SEMA4G: variants seen among roughly 807,000 people sequenced by gnomAD.
SEMA4G encodes the protein semaphorin 4G.
Under a neutral mutation model 81.2 loss-of-function variants are expected in SEMA4G, and 59 were observed. That is an observed-to-expected ratio of 0.73 (90% CI 0.59 to 0.90). The LOEUF (loss-of-function observed/expected upper bound fraction) is 0.90, where lower values mean the gene tolerates loss of function less well. SEMA4G is among the 40% of genes least tolerant of loss of function. The probability of loss-of-function intolerance (pLI) is 0.00; values close to 1 mark genes in which losing one functional copy is unlikely to be tolerated. For synonymous variants in SEMA4G, 404 were observed against 433.9 expected (o/e 0.93, Z 0.86); for missense variants, 952 against 1,102.3 (o/e 0.86, Z 1.93).
exon 6 of SEMA4G, chr10:100,978,620 C>A: frequency 6.2e-7 from 1 of 1,613,984 alleles, no homozygotes; most frequent in Non-Finnish European, 8.5e-7. Flanking sequence ...ACTGAGGAGA[C>A]ACCAATGCAT....
chr10:100,978,562 C>T lies in SEMA4G; in HGVS notation c.565C>T (p.Arg189Trp), dbSNP rs370387075. 1.1e-5 allele frequency: 18 copies of T among 1,614,148 alleles called. No individual in the cohort carries two copies. Among genetic ancestry groups the T allele is most frequent in the Middle Eastern group, 3.3e-4 (2 of 6,062 alleles). Residue 189 changes from arginine to tryptophan, a missense_variant, in exon 6 of 14, where the codon CGG (arginine) becomes TGG (tryptophan). By Grantham distance (101) the Arg-to-Trp change is moderately radical. This residue lies in a region of SEMA4G where 436 missense variants were observed against 488.2 expected (regional missense o/e 0.89). Coordinates refer to ENST00000370250, the Ensembl canonical transcript of SEMA4G. ...CTACACAGCCACTAGGTATGAATTC[C>T]GGAGCATTCCTGACATCCGCCGGAG...
exon 14 of SEMA4G, chr10:100,984,655 A>C (rs1330576370): frequency 6.5e-7 from 1 of 1,535,928 alleles, no homozygotes; most frequent in Non-Finnish European, 8.7e-7. Context: ...CAGTGCCCCC[A>C]CCCTCACCTT....
At position 100,983,778 on chromosome 10, in the gene SEMA4G, G is replaced by T; in HGVS notation, c.2164G>T (p.Gly722Ter). The change falls in exon 14 of 14, where the codon GGA (glycine) becomes TGA (stop). Residue 722 changes from glycine (G) to a stop codon, truncating the protein, a stop_gained. Transcript: ENST00000370250. LOFTEE classifies it high-confidence loss of function. ...ACTGGGTCGGGCCAGCCGGGCAGGA[G>T]GATCTGCGGTGCAACTGCAGACAGT... is the stretch of plus-strand genomic sequence containing the variant. 6.2e-7 allele frequency: 1 copy of T among 1,608,872 alleles called. No individual in the cohort carries two copies. Among genetic ancestry groups the T allele is most frequent in the South Asian group, 1.1e-5 (1 of 89,968 alleles).
upstream of SEMA4G, among the ~76,000 whole-genome samples, chr10:100,971,176 A>T (rs1850622219): frequency 6.6e-6 from 1 of 152,182 alleles, no homozygotes. Context: ...ATAGTCACCC[A>T]TGTGACTCTT....
exon 7 of SEMA4G, chr10:100,978,856 G>C (rs768211235): frequency 6.2e-7 from 1 of 1,613,996 alleles, no homozygotes; most frequent in South Asian, 1.1e-5. Flanking sequence ...CAGATGCGGA[G>C]TTTGTGTTCT....
chr10:100,979,885 C>T (rs1850978202), exon 9 of SEMA4G: 1 of 1,613,922 alleles, frequency 6.2e-7, no homozygotes, highest in African/African-American at 1.3e-5. Flanking sequence ...CCGCTATGAC[C>T]TGGCAGAGAT....
rs553537753 is a variant in SEMA4G, at chr10:100,979,946, G to A, written c.1082G>A (p.Arg361His). ...ATGGAATACCAGGATGGTTCCCGGC[G>A]CTGGGGTCGCTATGAGGGTGGGGTG... The change falls in exon 9 of 14, where the codon CGC (arginine) becomes CAC (histidine). Residue 361 changes from arginine (R) to histidine (H), a missense_variant. Arg to His is a conservative substitution (Grantham distance 29). Around this residue, in one of 3 missense-constraint regions of SEMA4G, gnomAD observed 436 missense variants for 488.2 expected, o/e 0.89. Coordinates refer to ENST00000370250, the Ensembl canonical transcript of SEMA4G. 5.0e-6 allele frequency: 8 copies of A among 1,614,110 alleles called. No homozygotes were observed. The Admixed American group carries it at 6.7e-5, about 13-fold the overall frequency.
At chr10:100,975,897 C>CA (rs912142743) in intron 3 of SEMA4G, among the ~76,000 whole-genome samples, 40 of 151,212 alleles carry the variant, frequency 2.6e-4, no homozygotes, top group Non-Finnish European at 3.1e-4. Context: ...GACTCCGTCT[C>CA]AAAAAAAATA....
In SEMA4G at chr10:100,983,796, C is replaced by T; in HGVS notation, c.2182C>T (p.Gln728Ter). 1 of 1,605,752 alleles carries T rather than the reference C, an allele frequency of 6.2e-7. No individual in the cohort carries two copies. Among genetic ancestry groups the T allele is most frequent in the East Asian group, 2.2e-5 (1 of 44,578 alleles). The change falls in exon 14 of 14, where the codon CAG becomes TAG. Residue 728 changes from glutamine to a stop codon, truncating the protein, a stop_gained. Coordinates refer to ENST00000370250, the Ensembl canonical transcript of SEMA4G. LOFTEE classifies it high-confidence loss of function. ...GGCAGGAGGATCTGCGGTGCAACTG[C>T]AGACAGTCTCAGGCCAGTGTCCTGG...
chr10:100,984,078 G>C, exon 14 of SEMA4G: 1 of 1,613,410 alleles, frequency 6.2e-7, no homozygotes. Context: ...CCGCATCCTG[G>C]AAAAAAGGAA....
At chr10:100,978,255 T>C (rs1162448506) in intron 4 of SEMA4G, 40 bp from the exon 6 acceptor site, 3 of 1,509,550 alleles carry the variant, frequency 2.0e-6, no homozygotes, top group South Asian at 2.3e-5. Context: ...TGTCCCTGCC[T>C]GTCTTCGGAA....
chr10:100,977,714 C>T, exon 4 of SEMA4G: 1 of 1,613,852 alleles, frequency 6.2e-7, no homozygotes, highest in Non-Finnish European at 8.5e-7. Context: ...GCCTTCCAGC[C>T]CCTCTGTGCA....
rs760659310 is a variant in SEMA4G at position 100,983,297 on chromosome 10, C to T, written c.1691-8C>T. 4 of 1,519,962 alleles carry T rather than the reference C, an allele frequency of 2.6e-6. No individual in the cohort carries two copies. The Admixed American group carries it at 8.1e-5, about 31-fold the overall frequency. The allele number at this position is 1,519,962 out of a possible 1,614,324, so 94.2% of individuals were successfully genotyped here. On this transcript the variant is annotated splice_polypyrimidine_tract_variant and splice_region_variant and intron_variant, in intron 13 of 13. Coordinates refer to ENST00000370250, the Ensembl canonical transcript of SEMA4G. Reference sequence around the variant, plus strand: ...GGCTGGTACTGACCTCTCCCCCAAACCCCACAGGGCCACCACCACCACTGA... The same window carrying T: ...GGCTGGTACTGACCTCTCCCCCAAATCCCACAGGGCCACCACCACCACTGA...
chr10:100,981,758 G>A (rs530995419), intron 13 of SEMA4G, among the ~76,000 whole-genome samples: 12 of 152,246 alleles, frequency 7.9e-5, no homozygotes, highest in Admixed American at 5.9e-4. Flanking sequence ...TTAAGAAACT[G>A]GACCAGAATT....
At chr10:100,985,464 C>G (rs566052365), downstream of SEMA4G, 1 of 152,982 alleles carries the variant, frequency 6.5e-6, no homozygotes, top group African/African-American at 2.4e-5. Context: ...ACCTCCACCC[C>G]ACAATGAATG....
intron 3 of SEMA4G, among the ~76,000 whole-genome samples, chr10:100,974,743 A>G (rs1025407825): frequency 4.6e-5 from 7 of 152,204 alleles, no homozygotes; most frequent in Non-Finnish European, 8.8e-5. Flanking sequence ...AGCCCTTTCC[A>G]GCTAAAGAAT....
chr10:100,981,195 A>G (rs1851053737), exon 13 of SEMA4G: 1 of 1,614,206 alleles, frequency 6.2e-7, no homozygotes, highest in Non-Finnish European at 8.5e-7. Flanking sequence ...ACATAGAGAG[A>G]GGAAATCGAG....
rs766932360 is a variant in SEMA4G, at chr10:100,980,836, G to C, written c.1482G>C (p.Val494=). Residue 494 remains valine, a synonymous_variant, in exon 12 of 14, where the codon GTG becomes GTC. Coordinates refer to ENST00000370250, the Ensembl canonical transcript of SEMA4G. Reference sequence around the variant, plus strand: ...CTGGCTCCCAGCACAGCCTCTATGTGGGGGCTCCTAGCGGAGTCATCCAGC... The same window carrying C: ...CTGGCTCCCAGCACAGCCTCTATGTCGGGGCTCCTAGCGGAGTCATCCAGC... The C allele has an allele frequency of 2.5e-6, 4 of 1,579,864 alleles. No homozygotes were observed. In the South Asian group the frequency reaches 3.5e-5, roughly 14 times the overall value.
At chr10:100,985,021 G>A, downstream of SEMA4G, 1 of 1,087,026 alleles carries the variant, frequency 9.2e-7, no homozygotes, top group Non-Finnish European at 1.3e-6. Context: ...CCTGTCTGTT[G>A]GGTTTAGTCC....
Sources: gnomAD v4.1 joint callset for allele counts (sites outside exome capture counted in the v4.1 genomes callset) on GRCh38, gnomAD v4.1.1 for gene constraint, gnomAD v4.1.1 regional missense constraint, MANE v1.5 for transcripts, NCBI Gene and HGNC (gene_info 2026-07-23, HGNC 2026-07-21) for gene names.